SOX6: variants seen among roughly 807,000 people sequenced by gnomAD.
SOX6 encodes the protein SRY-box transcription factor 6, also known as transcription factor SOX-6.
A neutral mutation model predicts 97.8 loss-of-function variants in SOX6; 11 were observed. The ratio of observed to expected loss-of-function variants is 0.11; its 90% CI spans 0.07 to 0.19. The LOEUF is 0.19. Ranked by LOEUF, SOX6 falls within the 10% of genes least tolerant of loss-of-function variation. SOX6 has a pLI of 1.00. For synonymous variants in SOX6, 360 were observed against 371.4 expected, an observed-to-expected ratio of 0.97 and a Z score of 0.35; for missense variants, 810 against 1,039.5, an observed-to-expected ratio of 0.78 and a Z score of 3.04.
At chr11:16,445,326 A>G (rs2133090065) in intron 1 of SOX6, among the ~76,000 whole-genome samples, 1 of 152,286 alleles carries the variant, frequency 6.6e-6, no homozygotes, top group African/African-American at 2.4e-5. Flanking sequence ...GTTCTCCTTC[A>G]TCTCCGGTCT....
chr11:16,097,570 A>G, intron 8 of SOX6, 39 bp downstream of exon 8: 2 of 1,566,098 alleles, frequency 1.3e-6, no homozygotes, highest in East Asian at 2.2e-5. Context: ...CCACTAAAGT[A>G]CTGGCTCATA....
chr11:16,583,261 C>A (rs1324391388), intron 4 of SOX6, among the ~76,000 whole-genome samples: 2 of 151,912 alleles, frequency 1.3e-5, no homozygotes, highest in African/African-American at 4.8e-5. Context: ...ATATCCATCA[C>A]CTCAAAGATT....
intron 3 of SOX6, among the ~76,000 whole-genome samples, chr11:16,279,014 C>T (rs1854479433): frequency 6.6e-6 from 1 of 152,032 alleles, no homozygotes; most frequent in South Asian, 2.1e-4. Context: ...CACTAAAAAG[C>T]TTATGTGAGT....
intron 6 of SOX6, among the ~76,000 whole-genome samples, chr11:16,119,163 G>T (rs1304786460): frequency 6.6e-6 from 1 of 152,114 alleles, no homozygotes; most frequent in African/African-American, 2.4e-5. Flanking sequence ...TAAAGCAAAA[G>T]AAATGAAGTC....
chr11:15,998,083 A>AAAATAAAATAAAAT (rs1181515764), intron 13 of SOX6, among the ~76,000 whole-genome samples: 1 of 151,524 alleles, frequency 6.6e-6, no homozygotes, highest in Non-Finnish European at 1.5e-5. Context: ...CCATCTCAAA[A>AAAATAAAATAAAAT]AAATAAAATA....
intron 2 of SOX6, among the ~76,000 whole-genome samples, chr11:16,334,691 G>T (rs565418750): frequency 6.6e-6 from 1 of 152,158 alleles, no homozygotes; most frequent in African/African-American, 2.4e-5. Flanking sequence ...GCCTCCCAAA[G>T]TGCTGGGATT....
At chr11:16,531,110 G>C (rs1260557517) in intron 4 of SOX6, among the ~76,000 whole-genome samples, 2 of 150,044 alleles carry the variant, frequency 1.3e-5, no homozygotes, top group African/African-American at 4.9e-5. Context: ...TTTGGTGATT[G>C]TTGCAATAAG....
chr11:16,696,057 C>A (rs1848051359), intron 3 of SOX6, among the ~76,000 whole-genome samples: 1 of 152,122 alleles, frequency 6.6e-6, no homozygotes, highest in African/African-American at 2.4e-5. Context: ...AATCCAACAA[C>A]TACAAAGCCA....
chr11:16,577,492 T>C (rs754971495), intron 4 of SOX6, among the ~76,000 whole-genome samples: 1 of 152,202 alleles, frequency 6.6e-6, no homozygotes, highest in South Asian at 2.1e-4. Context: ...GAGAAACTGA[T>C]ACTGGTTTCT....
chr11:16,219,730 T>C (rs1157974252), intron 4 of SOX6, among the ~76,000 whole-genome samples: 2 of 152,040 alleles, frequency 1.3e-5, no homozygotes, highest in African/African-American at 4.8e-5. Flanking sequence ...TTCAGACAAA[T>C]GACCTAAATA....
chr11:16,002,358 AAG>A (rs1854430903), intron 13 of SOX6, among the ~76,000 whole-genome samples: 1 of 152,176 alleles, frequency 6.6e-6, no homozygotes, highest in African/African-American at 2.4e-5. Flanking sequence ...CTGTATTTTC[AAG>A]AGTCTCTTGC....
At chr11:16,261,895 A>G (rs938068063) in intron 3 of SOX6, among the ~76,000 whole-genome samples, 2 of 152,090 alleles carry the variant, frequency 1.3e-5, no homozygotes, top group Non-Finnish European at 2.9e-5. Flanking sequence ...CAGCACCAAA[A>G]ACAAGATCGA....
At chr11:16,722,489 A>C (rs1848274869) in intron 2 of SOX6, among the ~76,000 whole-genome samples, 1 of 152,056 alleles carries the variant, frequency 6.6e-6, no homozygotes, top group South Asian at 2.1e-4. Context: ...TTGTCTCTAC[A>C]AAAATACAAA....
intron 3 of SOX6, among the ~76,000 whole-genome samples, chr11:16,671,844 G>A (rs964612086): frequency 6.6e-6 from 1 of 152,142 alleles, no homozygotes; most frequent in African/African-American, 2.4e-5. Flanking sequence ...AAGACACACA[G>A]CCATCAGATT....
chr11:16,002,803 C>G (rs1377822562), intron 13 of SOX6, among the ~76,000 whole-genome samples: 1 of 152,144 alleles, frequency 6.6e-6, no homozygotes, highest in Admixed American at 6.6e-5. Context: ...TTAACCAGCT[C>G]TACCTCCTGT....
intron 4 of SOX6, among the ~76,000 whole-genome samples, chr11:16,205,207 T>TAG (rs1852041345): frequency 6.6e-6 from 1 of 152,050 alleles, no homozygotes; most frequent in African/African-American, 2.4e-5. Context: ...AGCATATGAG[T>TAG]TTTCATATGT....
chr11:15,979,179 G>C (rs1002299846), intron 15 of SOX6, among the ~76,000 whole-genome samples: 2 of 150,668 alleles, frequency 1.3e-5, no homozygotes, highest in Non-Finnish European at 3.0e-5. Flanking sequence ...TCCTGTTCTT[G>C]GTTAATGATT....
chr11:16,356,512 C>G lies in SOX6; in HGVS notation c.-423G>C, dbSNP rs140313378. Among the ~76,000 whole-genome samples, 1 of 152,170 alleles carries G rather than the reference C, an allele frequency of 6.6e-6. No homozygotes were observed. Among genetic ancestry groups the G allele is most frequent in the East Asian group, 1.9e-4 (1 of 5,172 alleles). On this transcript the variant is annotated 5_prime_UTR_variant, in exon 1 of 16. Coordinates refer to ENST00000683767, the MANE Select transcript of SOX6 (RefSeq NM_001367873.1). ...GCCTATTTGCTGAGCAACAGTGGAG[C>G]TTTGTGGTTTGCCTCACAGTTGACA...
chr11:16,297,534 T>C (rs958427009), intron 3 of SOX6, among the ~76,000 whole-genome samples: 1 of 152,120 alleles, frequency 6.6e-6, no homozygotes, highest in African/African-American at 2.4e-5. Context: ...TGAGGTTTGA[T>C]TGGCAGAAAG....
Sources: allele counts gnomAD v4.1 joint callset (sites outside exome capture counted in the v4.1 genomes callset), GRCh38; gene constraint gnomAD v4.1.1; transcripts MANE v1.5; gene names NCBI Gene and HGNC (gene_info 2026-07-23, HGNC 2026-07-21).